CD163L1: variants seen among roughly 807,000 people sequenced by gnomAD.
CD163L1 encodes CD163 molecule like 1, also known as scavenger receptor cysteine-rich type 1 protein M160.
In CD163L1, 124 loss-of-function variants were observed where a neutral mutation model predicts 165.4. The ratio of observed to expected loss-of-function variants is 0.75; its 90% CI spans 0.65 to 0.87. The LOEUF is 0.87. CD163L1 is among the 40% of genes least tolerant of loss of function. The pLI is 0.00. For synonymous variants in CD163L1, 585 were observed against 662.2 expected, an observed-to-expected ratio of 0.88 and a Z score of 1.79; for missense variants, 1,525 against 1,799.9, an observed-to-expected ratio of 0.85 and a Z score of 2.76.
the CD163L1 span, among the ~76,000 whole-genome samples, chr12:7,334,889 C>T: frequency 2.0e-5 from 3 of 152,116 alleles, no homozygotes. Flanking sequence ...CTCCCATTCA[C>T]AATTGCTTCA....
chr12:7,320,414 T>G, the CD163L1 span, among the ~76,000 whole-genome samples: 1 of 152,206 alleles, frequency 6.6e-6, no homozygotes, highest in Non-Finnish European at 1.5e-5. Flanking sequence ...AAGAGGTAAG[T>G]TGTAGCCCTG....
chr12:7,403,157 C>T (rs1300465808), intron 6 of CD163L1, among the ~76,000 whole-genome samples: 1 of 151,140 alleles, frequency 6.6e-6, no homozygotes, highest in East Asian at 1.9e-4. Context: ...CTATAATAAG[C>T]CTTAATTTAT....
At chr12:7,376,147 G>A in intron 9 of CD163L1, 133 bp from the exon 10 acceptor site, 1 of 725,572 alleles carries the variant, frequency 1.4e-6, no homozygotes, top group Non-Finnish European at 2.2e-6. Flanking sequence ...GGGGCTCAGA[G>A]GACAAGATTA....
At chr12:7,410,237 A>G (rs1235097410) in intron 4 of CD163L1, among the ~76,000 whole-genome samples, 1 of 152,226 alleles carries the variant, frequency 6.6e-6, no homozygotes, top group Non-Finnish European at 1.5e-5. Flanking sequence ...AGGGAATAAG[A>G]AGACAAATAT....
chr12:7,418,393 G>A (rs1948287005), intron 4 of CD163L1, among the ~76,000 whole-genome samples: 1 of 152,032 alleles, frequency 6.6e-6, no homozygotes, highest in Non-Finnish European at 1.5e-5. Flanking sequence ...GTGGTGCTAA[G>A]AGCAAAGTTC....
chr12:7,396,432 G>T lies in CD163L1; in HGVS notation c.1730-17C>A, dbSNP rs1246295438. The T allele has an allele frequency of 2.5e-6, 4 of 1,582,238 alleles. No homozygotes were observed. In the African/African-American group the frequency reaches 5.4e-5, roughly 21 times the overall value. ...TTGCATCACCTGCACCAAGAACAAT[G>T]AAGCAAGTAGTTAATGGGTGTGATG... is the stretch of plus-strand genomic sequence containing the variant. On this transcript the variant is annotated splice_polypyrimidine_tract_variant and intron_variant, in intron 7 of 19. Coordinates refer to ENST00000313599, the MANE Select transcript of CD163L1 (RefSeq NM_174941.6).
intron 4 of CD163L1, among the ~76,000 whole-genome samples, chr12:7,413,072 A>G (rs1255194283): frequency 1.4e-5 from 2 of 144,224 alleles, no homozygotes; most frequent in Admixed American, 7.0e-5. Context: ...CTCCTGAGCG[A>G]CAGAGTGAGA....
At chr12:7,422,565 C>G (rs953698095) in intron 4 of CD163L1, among the ~76,000 whole-genome samples, 1 of 151,394 alleles carries the variant, frequency 6.6e-6, no homozygotes, top group Non-Finnish European at 1.5e-5. Context: ...GAACTACTAA[C>G]TAGAATAATC....
At chr12:7,370,366 A>C (rs1947120023) in intron 14 of CD163L1, among the ~76,000 whole-genome samples, 1 of 152,280 alleles carries the variant, frequency 6.6e-6, no homozygotes, top group South Asian at 2.1e-4. Context: ...GAATGATCTT[A>C]TCATTTTTAT....
chr12:7,381,761 C>T (rs1441900522), intron 8 of CD163L1, among the ~76,000 whole-genome samples: 1 of 151,728 alleles, frequency 6.6e-6, no homozygotes, highest in East Asian at 1.9e-4. Flanking sequence ...AATTGAGATT[C>T]CCTGAAAAGG....
At chr12:7,429,354 G>A (rs1053946129) in intron 4 of CD163L1, among the ~76,000 whole-genome samples, 16 of 151,908 alleles carry the variant, frequency 1.1e-4, no homozygotes, top group African/African-American at 2.7e-4. Context: ...AAACATATCC[G>A]TCCAGATTCC....
At chr12:7,379,932 A>ACAATGCAATG (rs1947350045) in intron 8 of CD163L1, among the ~76,000 whole-genome samples, 2 of 151,968 alleles carry the variant, frequency 1.3e-5, no homozygotes, top group Non-Finnish European at 2.9e-5. Context: ...AATCAAAACC[A>ACAATGCAATG]CAATGCAATG....
intron 8 of CD163L1, among the ~76,000 whole-genome samples, chr12:7,391,780 T>A (rs762841236): frequency 6.6e-6 from 1 of 152,284 alleles, no homozygotes; most frequent in South Asian, 2.1e-4. Context: ...AATCCTAGTC[T>A]CTGATAAAAC....
At chr12:7,324,431 C>G in the CD163L1 span, 2 of 1,613,930 alleles carry the variant, frequency 1.2e-6, no homozygotes, top group East Asian at 4.5e-5. Flanking sequence ...GAAGAGGTAA[C>G]AATTCGACAG....
At chr12:7,423,732 A>C (rs187366183) in intron 4 of CD163L1, among the ~76,000 whole-genome samples, 1 of 152,308 alleles carries the variant, frequency 6.6e-6, no homozygotes, top group African/African-American at 2.4e-5. Flanking sequence ...AACCTAAAAT[A>C]TTTGGATAAA....
chr12:7,386,765 A>C (rs778310970), intron 8 of CD163L1, among the ~76,000 whole-genome samples: 3 of 152,188 alleles, frequency 2.0e-5, no homozygotes, highest in Non-Finnish European at 4.4e-5. Flanking sequence ...CATTTGATAA[A>C]ATTCAACATC....
At chr12:7,331,967 A>C in the CD163L1 span, among the ~76,000 whole-genome samples, 1 of 152,246 alleles carries the variant, frequency 6.6e-6, no homozygotes, top group South Asian at 2.1e-4. Flanking sequence ...AGAACGCTTC[A>C]GAAGATCAAA....
Position 7,369,586 on chromosome 12 carries a change from C to T in CD163L1, c.3810G>A (p.Val1270=). 6.2e-7 allele frequency: 1 copy of T among 1,614,208 alleles called. No homozygotes were observed. The highest frequency in any genetic ancestry group is 1.1e-5 in the South Asian group (1 of 91,084). The change falls in exon 15 of 20, where the codon GTG becomes GTA. Residue 1270 remains valine, a synonymous_variant. Transcript: ENST00000313599. This position sits in a 1 kb window ranked among gnomAD's most constrained non-coding sequence, Gnocchi z 4.9. The part of the protein sequence containing the change: ...EIWHAGSWGT[V]CDDSWDLAEA... ...CGGCCAGGTCCCAGGAGTCATCACA[C>T]ACTGTGCCCCAGGAGCCTGCGTGCC...
the CD163L1 span, among the ~76,000 whole-genome samples, chr12:7,332,477 A>G: frequency 6.6e-6 from 1 of 152,210 alleles, no homozygotes; most frequent in Non-Finnish European, 1.5e-5. Context: ...AAGACACATA[A>G]TTGTCAGATT....
Sources: allele counts gnomAD v4.1 joint callset (sites outside exome capture counted in the v4.1 genomes callset), GRCh38; gene constraint gnomAD v4.1.1; non-coding constraint Gnocchi (gnomAD v3.1); transcripts MANE v1.5; gene names NCBI Gene and HGNC (gene_info 2026-07-23, HGNC 2026-07-21).